The following FHIT variants were observed in gnomAD, a reference collection of about 807,000 sequenced individuals.
FHIT encodes fragile histidine triad diadenosine triphosphatase, also known as bis(5'-adenosyl)-triphosphatase.
FHIT carries 19 observed loss-of-function variants against 17.9 expected under a neutral mutation model. The observed-to-expected ratio is 1.06, with a 90% CI of 0.74 to 1.56. FHIT has a LOEUF of 1.56. Ranked by LOEUF, FHIT falls within the 40% of genes most tolerant of loss-of-function variation. The pLI is 0.00. For missense variants in FHIT, 248 were observed against 189.2 expected (o/e 1.31, Z -1.82); for synonymous variants, 81 against 69.7 (o/e 1.16, Z -0.81).
intron 1 of FHIT, among the ~76,000 whole-genome samples, chr3:61,209,764 C>T (rs1472306055): frequency 6.6e-6 from 1 of 152,140 alleles, no homozygotes; most frequent in Non-Finnish European, 1.5e-5. Context: ...CGAACTTCCT[C>T]CTTTAGCTCG....
chr3:60,484,140 A>C (rs2033736515), intron 5 of FHIT, among the ~76,000 whole-genome samples: 1 of 152,186 alleles, frequency 6.6e-6, no homozygotes, highest in Admixed American at 6.5e-5. Flanking sequence ...GGACCTCTTC[A>C]AGGAGAACTA....
intron 8 of FHIT, among the ~76,000 whole-genome samples, chr3:59,866,459 T>C (rs1413608129): frequency 6.6e-6 from 1 of 152,136 alleles, no homozygotes; most frequent in Non-Finnish European, 1.5e-5. Context: ...TGGAAGCCAA[T>C]GGAAGGTTGA....
At position 60,785,934 on chromosome 3, in the gene FHIT, CAGAG is replaced by C. The variant is rs60858106; in HGVS notation, c.-18+35981_-18+35984del. Reference sequence around the variant, plus strand: ...ACACACACACACACACACACACACACAGAGAGAGTACTTTTCAAGATTAGTAACA... The same window carrying C: ...ACACACACACACACACACACACACACAGAGTACTTTTCAAGATTAGTAACA... On this transcript the variant is annotated intron_variant, in intron 4 of 9. Coordinates refer to ENST00000492590, the MANE Select transcript of FHIT (RefSeq NM_002012.4). Among the ~76,000 whole-genome samples the C allele has an allele frequency of 3.6e-5, 5 of 137,892 alleles. No homozygotes were observed. The East Asian group carries it at 8.2e-4, about 23-fold the overall frequency. 90.5% of individuals were successfully genotyped at this position (137,892 alleles called of 152,430 possible). A position where few individuals can be genotyped will look rare whatever the true frequency, so the allele number is the denominator to read the frequency against.
chr3:60,225,185 G>T (rs1414395823), intron 5 of FHIT, among the ~76,000 whole-genome samples: 2 of 152,132 alleles, frequency 1.3e-5, no homozygotes, highest in African/African-American at 4.8e-5. Context: ...GACCATATAT[G>T]CCATGCCTCT....
intron 8 of FHIT, among the ~76,000 whole-genome samples, chr3:59,858,022 A>G (rs1318153364): frequency 2.6e-5 from 4 of 152,140 alleles, no homozygotes; most frequent in Non-Finnish European, 4.4e-5. Flanking sequence ...GCTCAGCTGA[A>G]TATTATTAAA....
At chr3:60,158,222 G>A (rs1008851720) in intron 5 of FHIT, among the ~76,000 whole-genome samples, 2 of 152,110 alleles carry the variant, frequency 1.3e-5, no homozygotes, top group Non-Finnish European at 2.9e-5. Context: ...TTATTATCCT[G>A]CTGGGCATAA....
intron 2 of FHIT, among the ~76,000 whole-genome samples, chr3:61,088,355 T>A (rs936895165): frequency 1.3e-5 from 2 of 152,200 alleles, no homozygotes; most frequent in African/African-American, 4.8e-5. Flanking sequence ...TATGCACCAT[T>A]AGCTGCTTGG....
chr3:60,781,536 C>A (rs1204428877), intron 4 of FHIT, among the ~76,000 whole-genome samples: 1 of 152,122 alleles, frequency 6.6e-6, no homozygotes. Flanking sequence ...GTCCCATCAA[C>A]CTGCAGTTCT....
chr3:59,767,392 G>A lies in FHIT; in HGVS notation c.349-15071C>T, dbSNP rs376300667. 2.1e-4 allele frequency among the ~76,000 whole-genome samples: 32 copies of A among 152,138 alleles called. No individual in the cohort carries two copies. In the Middle Eastern group the frequency reaches 0.01, roughly 49 times the overall value. ...TGGACACCTGTAATCCCAGTTATTC[G>A]GGAGGCTGAGGCAGGAGAATTGCTT... On this transcript the variant is annotated intron_variant, in intron 8 of 9. Transcript: ENST00000492590.
chr3:60,817,711 T>C (rs1701789344), intron 4 of FHIT, among the ~76,000 whole-genome samples: 1 of 152,108 alleles, frequency 6.6e-6, no homozygotes, highest in Non-Finnish European at 1.5e-5. Context: ...ATGATGTACC[T>C]ATGCACAGTT....
chr3:60,346,596 T>C (rs1428798278), intron 5 of FHIT, among the ~76,000 whole-genome samples: 1 of 152,198 alleles, frequency 6.6e-6, no homozygotes, highest in Admixed American at 6.5e-5. Flanking sequence ...TGTTTTCTTT[T>C]TTCCTTTTCG....
rs782169234 is a variant in FHIT, at chr3:60,638,952, T to A, written c.-17-101973A>T. Among the ~76,000 whole-genome samples the A allele has an allele frequency of 4.7e-4, 71 of 150,118 alleles. 1 individual carries two copies. Among genetic ancestry groups the A allele is most frequent in the Admixed American group, 2.0e-4 (3 of 14,938 alleles). ...ATGCTTCTGGCTATGAATGAATAAC[T>A]TCATACATCAGACTAATCCTCCTGC... On this transcript the variant is annotated intron_variant, in intron 4 of 9. Coordinates refer to ENST00000492590, the MANE Select transcript of FHIT (RefSeq NM_002012.4).
intron 3 of FHIT, among the ~76,000 whole-genome samples, chr3:60,875,923 ATGTG>A (rs60177380): frequency 0.032 from 4,332 of 136,854 alleles, 192 homozygotes; most frequent in African/African-American, 0.098. Context: ...AAACTTATTC[ATGTG>A]TGTGTGTGTG....
chr3:60,212,635 A>G (rs867665336), intron 5 of FHIT, among the ~76,000 whole-genome samples: 22 of 152,256 alleles, frequency 1.4e-4, no homozygotes, highest in Middle Eastern at 3.4e-3. Context: ...AATCTAATGA[A>G]TTAGTAAGAT....
intron 5 of FHIT, among the ~76,000 whole-genome samples, chr3:60,276,265 C>T (rs1347548178): frequency 6.6e-6 from 1 of 152,132 alleles, no homozygotes; most frequent in Non-Finnish European, 1.5e-5. Context: ...GGATTACAGG[C>T]ATGAGCCACT....
chr3:60,273,399 G>A (rs1264644299), intron 5 of FHIT, among the ~76,000 whole-genome samples: 1 of 152,086 alleles, frequency 6.6e-6, no homozygotes, highest in African/African-American at 2.4e-5. Flanking sequence ...ACAAGGTCAG[G>A]AGTTCAAGAC....
At chr3:60,708,598 G>C (rs1392665252) in intron 4 of FHIT, among the ~76,000 whole-genome samples, 1 of 152,186 alleles carries the variant, frequency 6.6e-6, no homozygotes, top group African/African-American at 2.4e-5. Flanking sequence ...GGTGGCTTGA[G>C]TAGAGAAGTT....
intron 5 of FHIT, among the ~76,000 whole-genome samples, chr3:60,079,973 A>G (rs969010407): frequency 4.6e-5 from 7 of 152,210 alleles, no homozygotes; most frequent in Admixed American, 3.9e-4. Flanking sequence ...TGTAAATATT[A>G]TAAACTATCA....
intron 5 of FHIT, among the ~76,000 whole-genome samples, chr3:60,190,367 AAG>A (rs1453034846): frequency 2.0e-5 from 3 of 152,120 alleles, no homozygotes; most frequent in Non-Finnish European, 2.9e-5. Context: ...AAAAAAAAAA[AAG>A]AAAAACTAAA....
Sources: gnomAD v4.1 joint callset for allele counts (sites outside exome capture counted in the v4.1 genomes callset) on GRCh38, gnomAD v4.1.1 for gene constraint, MANE v1.5 for transcripts, NCBI Gene and HGNC (gene_info 2026-07-23, HGNC 2026-07-21) for gene names.